Variants in PRKCH observed in about 807,000 individuals in gnomAD.
The protein encoded by PRKCH is protein kinase C eta type.
A neutral mutation model predicts 82.5 loss-of-function variants in PRKCH; 28 were observed. The observed-to-expected ratio is 0.34, with a 90% confidence interval of 0.25 to 0.47. The LOEUF (loss-of-function observed/expected upper bound fraction) is 0.47. Among genes scored for constraint, PRKCH ranks in the 20% least tolerant of loss-of-function variants. The pLI, the probability that PRKCH is intolerant of heterozygous loss-of-function variation, is 1.00. For missense variants in PRKCH, 705 were observed against 881.8 expected (o/e 0.80, Z 2.54); for synonymous variants, 322 against 327.4 (o/e 0.98, Z 0.18).
At chr14:61,382,926 G>A (rs2046533248) in intron 1 of PRKCH, among the ~76,000 whole-genome samples, 1 of 152,162 alleles carries the variant, frequency 6.6e-6, no homozygotes, top group Admixed American at 6.5e-5. Flanking sequence ...CTTTGTGTAG[G>A]CTTTTATCCA....
intron 1 of PRKCH, among the ~76,000 whole-genome samples, chr14:61,273,036 A>G (rs2045172074): frequency 6.6e-6 from 1 of 152,258 alleles, no homozygotes. Flanking sequence ...CTTTAAAAAA[A>G]TAAAAATACC....
chr14:61,532,651 G>A lies in PRKCH; in HGVS notation c.1761+2056G>A, dbSNP rs1185319619. Among the ~76,000 whole-genome samples, 4 of 122,046 alleles carry A rather than the reference G, an allele frequency of 3.3e-5. No homozygotes were observed. In the Admixed American group the frequency reaches 3.6e-4, roughly 11 times the overall value. The allele number at this position is 122,046 out of a possible 152,430, so 80.1% of individuals were successfully genotyped here. On this transcript the variant is annotated intron_variant, in intron 12 of 13. Coordinates refer to ENST00000332981, the MANE Select transcript of PRKCH (RefSeq NM_006255.5). ...GATTCCTATGGAATTTTTAAGACTT[G>A]TTTCTTTTTAACCGGGTGAGCTCAG...
intron 3 of PRKCH, 145 bp downstream of exon 3, chr14:61,443,406 A>G: frequency 1.3e-6 from 1 of 787,386 alleles, no homozygotes; most frequent in Non-Finnish European, 1.8e-6. Context: ...ATGTTGACCC[A>G]GTAATTTAAA....
chr14:61,239,219 C>A (rs1320873129), intron 1 of PRKCH, among the ~76,000 whole-genome samples: 1 of 152,150 alleles, frequency 6.6e-6, no homozygotes, highest in East Asian at 1.9e-4. Context: ...AAAGATACTG[C>A]CCCTAAATTA....
intron 1 of PRKCH, among the ~76,000 whole-genome samples, chr14:61,251,972 T>C (rs899927785): frequency 1.3e-5 from 2 of 152,208 alleles, no homozygotes; most frequent in African/African-American, 4.8e-5. Flanking sequence ...CCTGAGTAGC[T>C]GGGATTACAG....
intron 1 of PRKCH, chr14:61,281,103 G>GT (rs1353355849): frequency 1.4e-6 from 2 of 1,472,652 alleles, no homozygotes; most frequent in African/African-American, 2.9e-5. Context: ...TGAAGGCGGT[G>GT]TTGTCGGGCT....
chr14:61,452,463 A>G (rs920353175), intron 6 of PRKCH, among the ~76,000 whole-genome samples: 1 of 152,122 alleles, frequency 6.6e-6, no homozygotes, highest in South Asian at 2.1e-4. Flanking sequence ...GCCCATGTCA[A>G]AAAACTGTCT....
intron 1 of PRKCH, among the ~76,000 whole-genome samples, chr14:61,293,148 G>A (rs536384261): frequency 6.6e-6 from 1 of 152,332 alleles, no homozygotes; most frequent in African/African-American, 2.4e-5. Context: ...AGAGGTACAG[G>A]TGGGTACCAA....
rs974960498 is a variant in PRKCH, at chr14:61,396,894, G to A, written c.427+5606G>A. On this transcript the variant is annotated intron_variant, in intron 2 of 13. Coordinates refer to ENST00000332981, the MANE Select transcript of PRKCH (RefSeq NM_006255.5). Reference sequence around the variant, plus strand: ...TACACCAGAATAATTATACAACAGCGCCACTGTTCACTTTCAAAAGGGTGC... The same window carrying A: ...TACACCAGAATAATTATACAACAGCACCACTGTTCACTTTCAAAAGGGTGC... 5.9e-5 allele frequency among the ~76,000 whole-genome samples: 9 copies of A among 152,134 alleles called. 1 individual carries two copies. Among genetic ancestry groups the A allele is most frequent in the African/African-American group, 2.2e-4 (9 of 41,410 alleles).
chr14:61,323,206 T>A (rs141506547), intron 1 of PRKCH, among the ~76,000 whole-genome samples: 7 of 152,304 alleles, frequency 4.6e-5, no homozygotes, highest in African/African-American at 1.7e-4. Flanking sequence ...CCTGTGTTCC[T>A]GGGTATTGAC....
At position 61,265,977 on chromosome 14, in the gene PRKCH, C is replaced by T. The variant is rs189256298; in HGVS notation, c.-19+78309C>T. ...AAGCGTGGTGGCATGCGCCTGTAAT[C>T]CTAGCTACTCGGGAGGCTAAGGCAG... On this transcript the variant is annotated intron_variant, in intron 1 of 3. Coordinates refer to the PRKCH transcript ENST00000555185. Among the ~76,000 whole-genome samples, 369 of 152,252 alleles carry T rather than the reference C, an allele frequency of 2.4e-3. 7 individuals carry two copies. The highest frequency in any genetic ancestry group is 2.4e-3 in the Non-Finnish European group (164 of 68,014).
intron 2 of PRKCH, among the ~76,000 whole-genome samples, chr14:61,426,820 GA>G (rs1364402069): frequency 6.6e-6 from 1 of 152,184 alleles, no homozygotes; most frequent in Admixed American, 6.5e-5. Flanking sequence ...TTTCGTCTGA[GA>G]AAATTCAACT....
chr14:61,222,376 C>G, intron 1 of PRKCH, among the ~76,000 whole-genome samples: 1 of 131,548 alleles, frequency 7.6e-6, no homozygotes, highest in Non-Finnish European at 1.7e-5. Flanking sequence ...ATCAGAGAAG[C>G]ATTTTTATTG....
rs1194837521 is a variant in PRKCH at position 61,457,798 on chromosome 14, G to T, written c.1278+119G>T. ...AAATTTTGGGGGATGGGCTCCCAAG[G>T]CAGGGTCATATGGAGGTATTGGTGA... On this transcript the variant is annotated intron_variant, in intron 9 of 13. Transcript: ENST00000332981. 10 of 1,374,880 alleles carry T rather than the reference G, an allele frequency of 7.3e-6. No individual in the cohort carries two copies. The East Asian group carries it at 9.2e-5, about 13-fold the overall frequency. 85.2% of individuals were successfully genotyped at this position (1,374,880 alleles called of 1,614,324 possible). A position where few individuals can be genotyped will look rare whatever the true frequency, so the allele number is the denominator to read the frequency against.
At chr14:61,281,244 C>G in intron 1 of PRKCH, 1 of 743,394 alleles carries the variant, frequency 1.3e-6, no homozygotes, top group Non-Finnish European at 1.9e-6. Flanking sequence ...GGACTGCTCG[C>G]GGGTCGGGTT....
rs1088673 is a variant in PRKCH at position 61,538,930 on chromosome 14, C to G, written c.1761+8335C>G. Among the ~76,000 whole-genome samples, 305 of 152,204 alleles carry G rather than the reference C, an allele frequency of 2.0e-3. 1 individual carries two copies. Among genetic ancestry groups the G allele is most frequent in the African/African-American group, 7.1e-3 (294 of 41,500 alleles). ...TAGTCCCCACTAGAGAATCTTTGTT[C>G]AGCACTCACTTCTCTTCAGTAGCTA... On this transcript the variant is annotated intron_variant, in intron 12 of 13. Coordinates refer to ENST00000332981, the MANE Select transcript of PRKCH (RefSeq NM_006255.5).
At chr14:61,278,067 A>G (rs2045220567) in intron 1 of PRKCH, 1 of 152,208 alleles carries the variant, frequency 6.6e-6, no homozygotes, top group Non-Finnish European at 1.5e-5. Context: ...CCAGAATCAG[A>G]ATACTTTAAC....
chr14:61,250,164 G>A (rs2044931651), intron 1 of PRKCH, among the ~76,000 whole-genome samples: 1 of 150,894 alleles, frequency 6.6e-6, no homozygotes, highest in African/African-American at 2.4e-5. Flanking sequence ...GGAAGCTGAG[G>A]CACAAGAATC....
chr14:61,286,107 A>G (rs186422136), intron 1 of PRKCH, among the ~76,000 whole-genome samples: 2 of 152,292 alleles, frequency 1.3e-5, no homozygotes, highest in East Asian at 1.9e-4. Context: ...ATTCATGACT[A>G]TTTATCTTAC....
Sources: gnomAD v4.1 joint callset for allele counts (sites outside exome capture counted in the v4.1 genomes callset) on GRCh38, gnomAD v4.1.1 for gene constraint, MANE v1.5 for transcripts, NCBI Gene and HGNC (gene_info 2026-07-23, HGNC 2026-07-21) for gene names.